TCF7L2: variants seen among roughly 807,000 people sequenced by gnomAD.
TCF7L2 encodes the protein transcription factor 7 like 2, also known as transcription factor 7-like 2.
Under a neutral mutation model 77.9 loss-of-function variants are expected in TCF7L2, and 23 were observed. The observed-to-expected ratio is 0.30, with a 90% CI of 0.21 to 0.42. TCF7L2 has a LOEUF of 0.42. Among genes scored for constraint, TCF7L2 ranks in the 10% least tolerant of loss-of-function variants. The pLI, the probability that TCF7L2 is intolerant of heterozygous loss-of-function variation, is 1.00. For missense variants in TCF7L2, 654 were observed against 793.1 expected (o/e 0.82, Z 2.11); for synonymous variants, 413 against 340.2 (o/e 1.21, Z -2.36).
intron 4 of TCF7L2, among the ~76,000 whole-genome samples, chr10:113,024,722 C>T (rs1285148146): frequency 2.7e-5 from 4 of 146,724 alleles, no homozygotes; most frequent in Admixed American, 7.0e-5. Context: ...CAGGTCGAAA[C>T]GATTCTCCTG....
intron 4 of TCF7L2, among the ~76,000 whole-genome samples, chr10:113,030,425 G>A (rs1397918975): frequency 6.6e-6 from 1 of 152,152 alleles, no homozygotes; most frequent in Non-Finnish European, 1.5e-5. Context: ...CTGGTCTCCT[G>A]TTGCCTCTGC....
chr10:113,157,923 T>C, intron 11 of TCF7L2, 98 bp from the exon 12 acceptor site: 2 of 1,260,484 alleles, frequency 1.6e-6, no homozygotes, highest in Non-Finnish European at 2.2e-6. Flanking sequence ...GATGGCAGTA[T>C]GGTCACTTCC....
At chr10:113,133,438 G>T (rs1055769404) in intron 5 of TCF7L2, 1 of 152,104 alleles carries the variant, frequency 6.6e-6, no homozygotes, top group African/African-American at 2.4e-5. Flanking sequence ...ATAGAGAAAA[G>T]GTCTTTAAGA....
chr10:113,039,760 T>C (rs1412609002), intron 4 of TCF7L2, among the ~76,000 whole-genome samples: 1 of 152,176 alleles, frequency 6.6e-6, no homozygotes, highest in Non-Finnish European at 1.5e-5. Context: ...AAATCATTTT[T>C]TCTGAAGCTA....
chr10:112,952,496 C>T (rs1163383067), intron 3 of TCF7L2, among the ~76,000 whole-genome samples: 1 of 152,152 alleles, frequency 6.6e-6, no homozygotes, highest in Admixed American at 6.5e-5. Context: ...GGTTTGTGTG[C>T]AGCCGGAATG....
intron 13 of TCF7L2, among the ~76,000 whole-genome samples, chr10:113,162,947 C>G (rs2073412113): frequency 1.3e-5 from 2 of 151,644 alleles, no homozygotes; most frequent in Admixed American, 6.6e-5. Context: ...CTCAACTTTT[C>G]CTTTTAACGT....
At chr10:112,999,372 A>G (rs949493186) in intron 4 of TCF7L2, among the ~76,000 whole-genome samples, 1 of 152,250 alleles carries the variant, frequency 6.6e-6, no homozygotes, top group African/African-American at 2.4e-5. Context: ...TTGGGCCTGA[A>G]CAAGTCTGTG....
At chr10:113,008,351 C>G (rs1319498425) in intron 4 of TCF7L2, among the ~76,000 whole-genome samples, 2 of 152,152 alleles carry the variant, frequency 1.3e-5, no homozygotes, top group Non-Finnish European at 2.9e-5. Flanking sequence ...TGAAGCTGCC[C>G]TTTAGCCTCT....
chr10:113,049,680 C>G (rs1238948336), intron 5 of TCF7L2, among the ~76,000 whole-genome samples: 1 of 152,162 alleles, frequency 6.6e-6, no homozygotes, highest in African/African-American at 2.4e-5. Context: ...CAGATCATAT[C>G]ACAGACCTCT....
chr10:113,109,430 C>T (rs1459748117), intron 5 of TCF7L2, among the ~76,000 whole-genome samples: 1 of 152,124 alleles, frequency 6.6e-6, no homozygotes, highest in East Asian at 1.9e-4. Flanking sequence ...CTGGCTCTGT[C>T]GCCCAGGCTG....
chr10:113,093,364 G>T (rs879301888), intron 5 of TCF7L2, among the ~76,000 whole-genome samples: 1 of 152,160 alleles, frequency 6.6e-6, no homozygotes, highest in African/African-American at 2.4e-5. Flanking sequence ...ATGGTTCTTG[G>T]CCATGGTTCT....
intron 5 of TCF7L2, among the ~76,000 whole-genome samples, chr10:113,104,500 G>A (rs955212706): frequency 6.6e-6 from 1 of 152,154 alleles, no homozygotes; most frequent in Admixed American, 6.6e-5. Context: ...TACCCCTAAC[G>A]CCGTCTCCCA....
intron 5 of TCF7L2, among the ~76,000 whole-genome samples, chr10:113,127,426 A>T (rs1315070739): frequency 1.3e-5 from 2 of 152,058 alleles, no homozygotes; most frequent in Admixed American, 6.6e-5. Flanking sequence ...AAACAAAACA[A>T]AAGTTTGCTG....
rs1021233091 is a variant in TCF7L2, at chr10:113,101,039, C to T, written c.553-40145C>T. Among the ~76,000 whole-genome samples, 3 of 152,032 alleles carry T rather than the reference C, an allele frequency of 2.0e-5. No individual in the cohort carries two copies. The South Asian group carries it at 6.2e-4, about 32-fold the overall frequency. On this transcript the variant is annotated intron_variant, in intron 5 of 13. Coordinates refer to ENST00000627217, the MANE Select transcript of TCF7L2 (RefSeq NM_001146274.2). ...GTGGTGAGCTGAGATCGCGCCATTG[C>T]ACTCCAGGCTGAGTGACAAGAGCGA...
intron 4 of TCF7L2, among the ~76,000 whole-genome samples, chr10:113,008,125 G>A (rs145835212): frequency 1.6e-4 from 25 of 152,298 alleles, no homozygotes; most frequent in African/African-American, 4.6e-4. Context: ...AGACACTTTG[G>A]TTGTTGTTTA....
At chr10:113,113,483 G>T (rs2063376705) in intron 5 of TCF7L2, among the ~76,000 whole-genome samples, 1 of 152,136 alleles carries the variant, frequency 6.6e-6, no homozygotes, top group Non-Finnish European at 1.5e-5. Flanking sequence ...GGACACACTG[G>T]CCAGGTTGAT....
chr10:113,024,302 C>G (rs1351172852), intron 4 of TCF7L2, among the ~76,000 whole-genome samples: 1 of 151,912 alleles, frequency 6.6e-6, no homozygotes, highest in Non-Finnish European at 1.5e-5. Context: ...ACTCTCACAA[C>G]AAAACAAAAC....
At chr10:113,079,222 G>A (rs2059055343) in intron 5 of TCF7L2, among the ~76,000 whole-genome samples, 1 of 152,134 alleles carries the variant, frequency 6.6e-6, no homozygotes, top group Non-Finnish European at 1.5e-5. Flanking sequence ...TTACTGTTTT[G>A]GTGGTTGTTT....
chr10:113,073,503 CAAAAAAAAAAAAAAA>C (rs35730806), intron 5 of TCF7L2, among the ~76,000 whole-genome samples: 3 of 43,972 alleles, frequency 6.8e-5, no homozygotes, highest in Admixed American at 3.0e-4. Flanking sequence ...CGGTCTCTAC[CAAAAAAAAAAAAAAA>C]AAAAAAAAAA....
Sources: allele counts gnomAD v4.1 joint callset (sites outside exome capture counted in the v4.1 genomes callset), GRCh38; gene constraint gnomAD v4.1.1; transcripts MANE v1.5; gene names NCBI Gene and HGNC (gene_info 2026-07-23, HGNC 2026-07-21).